The following RFWD3 variants were observed in gnomAD, a reference collection of about 807,000 sequenced individuals.
The protein encoded by RFWD3 is ring finger and WD repeat domain 3, also known as E3 ubiquitin-protein ligase RFWD3.
A neutral mutation model predicts 87.7 loss-of-function variants in RFWD3; 65 were observed. The observed-to-expected ratio is 0.74, with a 90% confidence interval of 0.61 to 0.91. The LOEUF (loss-of-function observed/expected upper bound fraction) is 0.91. RFWD3 is among the 40% of genes least tolerant of loss of function. RFWD3 has a pLI of 0.00. For missense variants in RFWD3, 1,078 were observed against 938.5 expected (o/e 1.15, Z -1.94); for synonymous variants, 433 against 352.8 (o/e 1.23, Z -2.55).
At chr16:74,642,124 T>C (rs1303891744) in intron 6 of RFWD3, among the ~76,000 whole-genome samples, 1 of 151,988 alleles carries the variant, frequency 6.6e-6, no homozygotes, top group Non-Finnish European at 1.5e-5. Flanking sequence ...AGACTTCTAG[T>C]GTACCTTTTT....
intron 4 of RFWD3, among the ~76,000 whole-genome samples, chr16:74,648,742 T>G (rs1395000953): frequency 1.3e-5 from 2 of 150,714 alleles, no homozygotes; most frequent in Non-Finnish European, 3.0e-5. Flanking sequence ...ACCACCGCAC[T>G]CCACCCTGGG....
chr16:74,649,238 A>G, intron 3 of RFWD3, 36 bp from the exon 4 acceptor site: 1 of 1,449,104 alleles, frequency 6.9e-7, no homozygotes, highest in Non-Finnish European at 9.3e-7. Context: ...AGGAGAGGTA[A>G]AATACAAAAT....
At chr16:74,634,681 G>A (rs1023109043) in intron 8 of RFWD3, among the ~76,000 whole-genome samples, 3 of 152,042 alleles carry the variant, frequency 2.0e-5, no homozygotes, top group African/African-American at 7.2e-5. Flanking sequence ...GAGCCACTGT[G>A]CCCACTTGAG....
intron 2 of RFWD3, among the ~76,000 whole-genome samples, chr16:74,658,424 G>A (rs1395481105): frequency 6.6e-6 from 1 of 152,216 alleles, no homozygotes; most frequent in Non-Finnish European, 1.5e-5. Context: ...TGGCTTCTTG[G>A]CTGACTGTGA....
intron 4 of RFWD3, among the ~76,000 whole-genome samples, chr16:74,646,257 TC>T (rs1960131910): frequency 1.3e-5 from 2 of 151,974 alleles, no homozygotes; most frequent in South Asian, 4.1e-4. Flanking sequence ...ATGCCTGCAG[TC>T]CCAAGTAGTC....
At chr16:74,653,704 T>C (rs28417898) in intron 2 of RFWD3, among the ~76,000 whole-genome samples, 17,062 of 152,130 alleles carry the variant, frequency 0.11, 1,328 homozygotes, top group East Asian at 0.38. Context: ...GGTGACCTAC[T>C]AGAAGTTTTA....
intron 1 of RFWD3, among the ~76,000 whole-genome samples, chr16:74,666,134 C>T (rs1238400421): frequency 6.6e-6 from 1 of 151,832 alleles, no homozygotes; most frequent in Non-Finnish European, 1.5e-5. Context: ...AATCCCTGTT[C>T]TTTTACTACA....
At chr16:74,648,305 C>T (rs1018238145) in intron 4 of RFWD3, among the ~76,000 whole-genome samples, 2 of 151,832 alleles carry the variant, frequency 1.3e-5, no homozygotes, top group South Asian at 2.1e-4. Flanking sequence ...AGCCTGCAAG[C>T]TTCCCATTTT....
intron 3 of RFWD3, among the ~76,000 whole-genome samples, chr16:74,650,323 G>C (rs1960465510): frequency 6.7e-6 from 1 of 148,730 alleles, no homozygotes; most frequent in South Asian, 2.1e-4. Context: ...CAAACTGGTT[G>C]TTAGAAAACA....
At chr16:74,632,433 C>A in intron 9 of RFWD3, 90 bp downstream of exon 9, 1 of 1,403,840 alleles carries the variant, frequency 7.1e-7, no homozygotes, top group Non-Finnish European at 9.9e-7. Context: ...CAACAAAAAA[C>A]AGAGCTAAGG....
chr16:74,654,436 A>G (rs1960810653), intron 2 of RFWD3, among the ~76,000 whole-genome samples: 1 of 152,126 alleles, frequency 6.6e-6, no homozygotes, highest in African/African-American at 2.4e-5. Context: ...ACACCCATAT[A>G]AGATGGTGAA....
intron 9 of RFWD3, 62 bp downstream of exon 9, chr16:74,632,461 C>G (rs546152933): frequency 6.4e-7 from 1 of 1,550,828 alleles, no homozygotes; most frequent in African/African-American, 1.4e-5. Context: ...AACACCGATA[C>G]GAATTCCATG....
chr16:74,627,143 T>C (rs1958962849), intron 11 of RFWD3, among the ~76,000 whole-genome samples: 1 of 152,212 alleles, frequency 6.6e-6, no homozygotes, highest in Non-Finnish European at 1.5e-5. Flanking sequence ...GGTACTGGGA[T>C]GTTTCTCAGC....
chr16:74,653,314 G>A (rs1960709861), intron 2 of RFWD3, among the ~76,000 whole-genome samples: 1 of 151,898 alleles, frequency 6.6e-6, no homozygotes, highest in Non-Finnish European at 1.5e-5. Flanking sequence ...TCCAGCCTGG[G>A]TATCAGAGTG....
chr16:74,631,066 C>T, intron 9 of RFWD3, 109 bp from the exon 10 acceptor site: 1 of 936,044 alleles, frequency 1.1e-6, no homozygotes, highest in East Asian at 2.8e-5. Flanking sequence ...AGAACACACT[C>T]ATACTCCCAA....
intron 4 of RFWD3, among the ~76,000 whole-genome samples, chr16:74,648,773 T>C (rs1291582973): frequency 6.7e-6 from 1 of 149,656 alleles, no homozygotes; most frequent in African/African-American, 2.5e-5. Flanking sequence ...AGACTCCGTC[T>C]CAAAAAAAAA....
chr16:74,639,716 C>G (rs1324959454), intron 6 of RFWD3, among the ~76,000 whole-genome samples: 1 of 151,784 alleles, frequency 6.6e-6, no homozygotes, highest in Non-Finnish European at 1.5e-5. Flanking sequence ...CCAAAAATAG[C>G]AAAAAAATAC....
At chr16:74,632,280 T>C (rs1003451028) in intron 9 of RFWD3, among the ~76,000 whole-genome samples, 35 of 151,978 alleles carry the variant, frequency 2.3e-4, no homozygotes, top group African/African-American at 7.0e-4. Context: ...TAGTCCTAGC[T>C]ACTCGGGAGG....
rs1959937872 is a variant in RFWD3 at position 74,644,417 on chromosome 16, GGAC to G, written c.1021_1023del (p.Val341del). ...AAAGCTCTCAGGGTTCGGGCATAAA[GGAC>G]GACAATGTCACTGTGCCTGGCTTTC... On this transcript the variant is annotated inframe_deletion, in exon 6 of 13. Coordinates refer to ENST00000361070, the MANE Select transcript of RFWD3 (RefSeq NM_018124.4). 1 of 1,614,094 alleles carries G rather than the reference GGAC, an allele frequency of 6.2e-7. No individual in the cohort carries two copies. The highest frequency in any genetic ancestry group is 1.7e-5 in the Admixed American group (1 of 60,004).
Sources: allele counts gnomAD v4.1 joint callset (sites outside exome capture counted in the v4.1 genomes callset), GRCh38; gene constraint gnomAD v4.1.1; transcripts MANE v1.5; gene names NCBI Gene and HGNC (gene_info 2026-07-23, HGNC 2026-07-21).